The following POTEJ variants were observed in gnomAD, a reference collection of about 807,000 sequenced individuals.
POTEJ encodes the protein POTE ankyrin domain family member J, also known as POTE ankyrin domain family, member J.
Under a neutral mutation model 69.0 loss-of-function variants are expected in POTEJ, and 11 were observed. That is an observed-to-expected ratio of 0.16 (90% CI 0.10 to 0.26). POTEJ has a LOEUF of 0.26. Among genes scored for constraint, POTEJ ranks in the 10% least tolerant of loss-of-function variants. The pLI is 1.00. For synonymous variants in POTEJ, 117 were observed against 381.1 expected (o/e 0.31, Z 8.07); for missense variants, 327 against 1,045.5 (o/e 0.31, Z 9.48).
At chr2:130,628,946 A>G (rs1230275140) in intron 6 of POTEJ, among the ~76,000 whole-genome samples, 1 of 147,054 alleles carries the variant, frequency 6.8e-6, no homozygotes, top group Non-Finnish European at 1.5e-5. Flanking sequence ...TGAACCAGGG[A>G]GTGTCAGAGG....
chr2:130,652,251 C>T lies in POTEJ; in HGVS notation c.1668-2670C>T, dbSNP rs1180445416. ...CCATGGTTGTTAAGTTTCCTGAGGC[C>T]TCCCCAGCCATGCGTAACTGTGAAT... On this transcript the variant is annotated intron_variant, in intron 13 of 14. Coordinates refer to ENST00000409602, the MANE Select transcript of POTEJ (RefSeq NM_001277083.2). 1.0e-4 allele frequency among the ~76,000 whole-genome samples: 14 copies of T among 137,200 alleles called. 1 individual carries two copies. Among genetic ancestry groups the T allele is most frequent in the African/African-American group, 1.1e-4 (4 of 36,216 alleles). 90.0% of individuals were successfully genotyped at this position (137,200 alleles called of 152,430 possible).
At chr2:130,654,744 G>C (rs554942218) in intron 13 of POTEJ, among the ~76,000 whole-genome samples, 177 bp from the exon 14 acceptor site, 45 of 144,294 alleles carry the variant, frequency 3.1e-4, no homozygotes, top group African/African-American at 1.2e-3. Flanking sequence ...CACAAAACCA[G>C]TCCCTGGTGC....
In POTEJ at chr2:130,626,574, C is replaced by A. The variant is rs562418151; in HGVS notation, c.1015+2440C>A. Among the ~76,000 whole-genome samples, 5 of 152,166 alleles carry A rather than the reference C, an allele frequency of 3.3e-5. No homozygotes were observed. In the East Asian group the frequency reaches 9.6e-4, roughly 29 times the overall value. On this transcript the variant is annotated intron_variant, in intron 6 of 14. Transcript: ENST00000409602. ...ATGTAAGCAAACAGGCATGACTGAG[C>A]TCCTATAAAACTTTATTTACAAAAC...
chr2:130,643,910 C>T (rs1180912909), intron 10 of POTEJ, 73 bp from the exon 11 acceptor site: 4 of 69,920 alleles, frequency 5.7e-5, no homozygotes, highest in East Asian at 5.7e-4. Context: ...GTCTCAAATC[C>T]GTTTTTAAAA....
intron 9 of POTEJ, among the ~76,000 whole-genome samples, chr2:130,633,167 T>A (rs1353008049): frequency 7.0e-6 from 1 of 142,248 alleles, no homozygotes; most frequent in East Asian, 1.9e-4. Context: ...CTGCATTAGT[T>A]TGCTTAGGAT....
At chr2:130,611,276 C>T (rs1465296943), upstream of POTEJ, among the ~76,000 whole-genome samples, 6 of 123,180 alleles carry the variant, frequency 4.9e-5, no homozygotes, top group Non-Finnish European at 9.6e-5. Context: ...TTGGCATTCC[C>T]TTGGGTGGGC....
At chr2:130,654,784 A>T in intron 13 of POTEJ, 137 bp from the exon 14 acceptor site, 8 of 562,704 alleles carry the variant, frequency 1.4e-5, no homozygotes, top group Non-Finnish European at 2.6e-5. Context: ...TGGTTAACAG[A>T]TGTGAGACCC....
In POTEJ at chr2:130,636,776, T is replaced by C. The variant is rs1686107886; in HGVS notation, c.1299-1843T>C. Among the ~76,000 whole-genome samples, 5 of 148,234 alleles carry C rather than the reference T, an allele frequency of 3.4e-5. No individual in the cohort carries two copies. In the Admixed American group the frequency reaches 3.4e-4, roughly 10 times the overall value. On this transcript the variant is annotated intron_variant, in intron 9 of 14. Coordinates refer to ENST00000409602, the MANE Select transcript of POTEJ (RefSeq NM_001277083.2). ...AATGGAGTTTATCCTGTGTATATTG[T>C]TTGATTGATTCTCACTTTAAAAATG...
chr2:130,642,835 C>T (rs1400351002), intron 10 of POTEJ, among the ~76,000 whole-genome samples: 15 of 151,210 alleles, frequency 9.9e-5, no homozygotes, highest in African/African-American at 3.0e-4. Flanking sequence ...CCCGCTCTTG[C>T]TGCTGCGTGG....
intron 14 of POTEJ, among the ~76,000 whole-genome samples, chr2:130,655,512 A>C (rs545235713): frequency 6.6e-6 from 1 of 152,248 alleles, no homozygotes; most frequent in South Asian, 2.1e-4. Context: ...GTAGTTTCTC[A>C]TTTCAATGTA....
At chr2:130,649,512 G>A (rs1686724068) in intron 13 of POTEJ, among the ~76,000 whole-genome samples, 1 of 151,384 alleles carries the variant, frequency 6.6e-6, no homozygotes, top group Admixed American at 6.6e-5. Context: ...AGAATTGATA[G>A]TCCTGGTTTT....
At chr2:130,641,459 A>G (rs1686370201) in intron 10 of POTEJ, among the ~76,000 whole-genome samples, 1 of 148,636 alleles carries the variant, frequency 6.7e-6, no homozygotes, top group South Asian at 2.1e-4. Context: ...TTTCTTTTAA[A>G]TAGAAGTCAT....
chr2:130,642,911 G>C (rs1478972132), intron 10 of POTEJ, among the ~76,000 whole-genome samples: 1 of 150,616 alleles, frequency 6.6e-6, no homozygotes, highest in Non-Finnish European at 1.5e-5. Flanking sequence ...TTAAGTCTCT[G>C]CTTGGGCATG....
In POTEJ at chr2:130,643,224, A is replaced by G. The variant is rs181579765; in HGVS notation, c.1370-759A>G. On this transcript the variant is annotated intron_variant, in intron 10 of 14. Transcript: ENST00000409602. ...CATGCAGAATGAAGGAAGACTTCAC[A>G]TAGCATTGTTTCAAAAGATGAAAAT... 3.0e-4 allele frequency among the ~76,000 whole-genome samples: 43 copies of G among 145,320 alleles called. 6 individuals carry two copies. Among genetic ancestry groups the G allele is most frequent in the African/African-American group, 9.7e-4 (38 of 39,332 alleles).
chr2:130,647,072 T>C (rs546051237), intron 13 of POTEJ, among the ~76,000 whole-genome samples: 2 of 150,674 alleles, frequency 1.3e-5, no homozygotes, highest in African/African-American at 2.5e-5. Flanking sequence ...TTGGAGCTAG[T>C]CTAATTGCTT....
chr2:130,630,684 C>T (rs113322558), intron 7 of POTEJ, among the ~76,000 whole-genome samples: 1 of 143,216 alleles, frequency 7.0e-6, no homozygotes, highest in African/African-American at 2.7e-5. Flanking sequence ...CAGAATGGAA[C>T]CTTTGGTGTT....
Position 130,657,478 on chromosome 2 carries a change from C to T in POTEJ, c.2718C>T (p.Pro906=), listed in dbSNP as rs776002094. 3.6e-5 allele frequency: 57 copies of T among 1,575,612 alleles called. 6 individuals are homozygous for T. Among genetic ancestry groups the T allele is most frequent in the African/African-American group, 1.2e-4 (8 of 68,172 alleles). Residue 906 remains proline (P), a synonymous_variant, in exon 15 of 15, where the codon CCC becomes CCT. Coordinates refer to ENST00000409602, the MANE Select transcript of POTEJ (RefSeq NM_001277083.2). ...SSSLEKSYEL[P]DGQVITISNE... ...CCCTAGAGAAGAGCTACGAGCTGCC[C>T]GATGGCCAGGTCATCACCATCAGCA...
chr2:130,636,457 C>T (rs963993002), intron 9 of POTEJ, among the ~76,000 whole-genome samples: 2 of 144,630 alleles, frequency 1.4e-5, no homozygotes, highest in African/African-American at 5.1e-5. Context: ...CTTTGATATA[C>T]AAATAAAAGG....
chr2:130,611,147 TGCTTGGCTTGGTGTTGGTC>T (rs1685194275), upstream of POTEJ, among the ~76,000 whole-genome samples: 1 of 148,568 alleles, frequency 6.7e-6, no homozygotes, highest in Non-Finnish European at 1.5e-5. Flanking sequence ...TTGCGTTCTT[TGCTTGGCTTGGTGTTGGTC>T]GCTTGGCCTG....
Sources: gnomAD v4.1 joint callset for allele counts (sites outside exome capture counted in the v4.1 genomes callset) on GRCh38, gnomAD v4.1.1 for gene constraint, MANE v1.5 for transcripts, NCBI Gene and HGNC (gene_info 2026-07-23, HGNC 2026-07-21) for gene names.